The following PRRC2A variants were observed in gnomAD, a reference collection of about 807,000 sequenced individuals.
PRRC2A encodes proline rich coiled-coil 2A.
PRRC2A carries 59 observed loss-of-function variants against 224.6 expected under a neutral mutation model. The ratio of observed to expected loss-of-function variants is 0.26; its 90% CI spans 0.21 to 0.33. The LOEUF is 0.33. Ranked by LOEUF, PRRC2A falls within the 10% of genes least tolerant of loss-of-function variation. PRRC2A has a pLI of 1.00. For synonymous variants in PRRC2A, 1,194 were observed against 1,109.5 expected (o/e 1.08, Z -1.51); for missense variants, 3,095 against 2,880.7 (o/e 1.07, Z -1.70).
At position 31,628,951 on chromosome 6, in the gene PRRC2A, GCCA is replaced by G; in HGVS notation, c.1766-186_1766-184del. 5.2e-6 allele frequency: 3 copies of G among 577,962 alleles called. No individual in the cohort carries two copies. In the East Asian group the frequency reaches 9.1e-5, roughly 18 times the overall value. The allele number at this position is 577,962 out of a possible 1,614,324, so 35.8% of individuals were successfully genotyped here. A position where few individuals can be genotyped will look rare whatever the true frequency, so the allele number is the denominator to read the frequency against. On this transcript the variant is annotated intron_variant, in intron 12 of 30. Transcript: ENST00000376033. Reference sequence around the variant, plus strand: ...TCTAATGGTTTCATAGAAAGTTAATGCCACCACCATAGGCTCATGAGAGGCCAT... The same window carrying G: ...TCTAATGGTTTCATAGAAAGTTAATGCCACCATAGGCTCATGAGAGGCCAT...
In PRRC2A at chr6:31,635,282, G is replaced by A. The variant is rs1439841079; in HGVS notation, c.5301+10G>A. The A allele has an allele frequency of 6.2e-7, 1 of 1,613,934 alleles. No individual in the cohort carries two copies. The highest frequency in any genetic ancestry group is 8.5e-7 in the Non-Finnish European group (1 of 1,179,888). On this transcript the variant is annotated intron_variant, in intron 22 of 30. Transcript: ENST00000376033. ...TGGCACTAGTGACAAGGTCTGTGTG[G>A]GCTGGATCTGGGTATCCTGAGTTGG...
intron 12 of PRRC2A, 61 bp from the exon 13 acceptor site, chr6:31,629,083 G>A: frequency 6.6e-7 from 1 of 1,519,622 alleles, no homozygotes; most frequent in Non-Finnish European, 9.1e-7. Context: ...GAGATTCCTG[G>A]GGTGTTCATG....
Position 31,625,629 on chromosome 6 carries a change from GTCT to G in PRRC2A, c.759+20_759+22del, listed in dbSNP as rs760069882. 10 of 1,598,412 alleles carry G rather than the reference GTCT, an allele frequency of 6.3e-6. No homozygotes were observed. The highest frequency in any genetic ancestry group is 8.5e-6 in the Non-Finnish European group (10 of 1,171,410). ...CGCCTTTCGTGAGTCTTGGTGTCTT[GTCT>G]TGGAACGATTACACTGGAAGCTGGA... On this transcript the variant is annotated intron_variant, in intron 7 of 30. Transcript: ENST00000376033. The surrounding 1 kb of genome is among the most constrained non-coding windows in gnomAD (Gnocchi z 4.1).
At position 31,630,688 on chromosome 6, in the gene PRRC2A, G is replaced by C; in HGVS notation, c.2352G>C (p.Pro784=). Residue 784 remains proline (P), a synonymous_variant, in exon 15 of 31, where the codon CCG becomes CCC. Transcript: ENST00000376033. ...TGTTACGGGAACGGGGCACTCCACC[G>C]GTGGATCCAAAGTTGGCCTGGGTAG... ...PAMLRERGTP[P]VDPKLAWVGD... 4 of 1,614,108 alleles carry C rather than the reference G, an allele frequency of 2.5e-6. No homozygotes were observed. Among genetic ancestry groups the C allele is most frequent in the Non-Finnish European group, 3.4e-6 (4 of 1,180,018 alleles).
At position 31,637,662 on chromosome 6, in the gene PRRC2A, G is replaced by T; in HGVS notation, c.*76G>T. 1 of 743,960 alleles carries T rather than the reference G, an allele frequency of 1.3e-6. No individual in the cohort carries two copies. The highest frequency in any genetic ancestry group is 2.0e-6 in the Non-Finnish European group (1 of 508,708). 46.1% of individuals were successfully genotyped at this position (743,960 alleles called of 1,614,324 possible). A position where few individuals can be genotyped will look rare whatever the true frequency, so the allele number is the denominator to read the frequency against. On this transcript the variant is annotated 3_prime_UTR_variant, in exon 31 of 31. Coordinates refer to ENST00000376033, the MANE Select transcript of PRRC2A (RefSeq NM_004638.4). ...ATATAAGGGGGAAAGGGGTGGGCGG[G>T]GAGGGGTTCTGGGGCTGGGGCCTCA...
intron 18 of PRRC2A, 78 bp from the exon 19 acceptor site, chr6:31,634,158 C>T (rs772076063): frequency 1.3e-6 from 2 of 1,568,436 alleles, no homozygotes; most frequent in Non-Finnish European, 1.7e-6. Context: ...CCCTGTGTCA[C>T]CCCACTCTGT....
intron 9 of PRRC2A, 81 bp from the exon 10 acceptor site, chr6:31,626,691 A>C: frequency 8.0e-7 from 1 of 1,248,396 alleles, no homozygotes; most frequent in Non-Finnish European, 1.1e-6. Flanking sequence ...TTGGTAGTCC[A>C]TCTTGTTACA....
Position 31,630,925 on chromosome 6 carries a change from T to C in PRRC2A, c.2465+124T>C, listed in dbSNP as rs919990158. On this transcript the variant is annotated intron_variant, in intron 15 of 30. Transcript: ENST00000376033. ...GAAAGGAGAGGCTGGATGGAGTGGCTCATGCCTGTAATCCCAGCATTTTGG... is the reference window on the plus strand; with the variant it reads ...GAAAGGAGAGGCTGGATGGAGTGGCCCATGCCTGTAATCCCAGCATTTTGG... The C allele has an allele frequency of 3.2e-5, 43 of 1,340,494 alleles. No individual in the cohort carries two copies. The African/African-American group carries it at 5.5e-4, about 17-fold the overall frequency. 83.0% of individuals were successfully genotyped at this position (1,340,494 alleles called of 1,614,324 possible).
chr6:31,625,303 T>C lies in PRRC2A; in HGVS notation c.596T>C (p.Leu199Pro), dbSNP rs759347087. Residue 199 changes from leucine to proline, a missense_variant, in exon 6 of 31, where the codon CTC (leucine) becomes CCC (proline). Transcript: ENST00000376033. This position sits in a 1 kb window ranked among gnomAD's most constrained non-coding sequence, Gnocchi z 4.1. ...AEQSSGPGPS[L>P]RPQNSTTWRD... ...CAGTCGTCTGGGCCCGGACCAAGCC[T>C]CCGCCCCCAAAGTGAGTGGCTGCCT... The C allele has an allele frequency of 6.4e-5, 104 of 1,613,734 alleles. No homozygotes were observed. Among genetic ancestry groups the C allele is most frequent in the Non-Finnish European group, 8.7e-5 (103 of 1,180,024 alleles).
intron 24 of PRRC2A, 51 bp from the exon 25 acceptor site, chr6:31,635,916 T>C: frequency 6.6e-7 from 1 of 1,514,914 alleles, no homozygotes; most frequent in Non-Finnish European, 9.0e-7. Context: ...GGTGATCTTT[T>C]TTCTTGACCA....
At chr6:31,623,622 G>A (rs1240101794) in intron 2 of PRRC2A, 110 bp from the exon 3 acceptor site, 2 of 1,233,268 alleles carry the variant, frequency 1.6e-6, no homozygotes, top group Non-Finnish European at 2.3e-6. Context: ...GAGAAGTTTG[G>A]AGGAAGTAGG....
At chr6:31,624,581 G>A (rs889064600) in intron 5 of PRRC2A, 59 bp downstream of exon 5, 1 of 1,529,546 alleles carries the variant, frequency 6.5e-7, no homozygotes, top group Non-Finnish European at 9.0e-7. Flanking sequence ...CATGAACCCT[G>A]CACTGTATTT....
intron 12 of PRRC2A, 135 bp from the exon 13 acceptor site, chr6:31,629,009 G>A (rs989800143): frequency 2.2e-6 from 2 of 893,632 alleles, no homozygotes; most frequent in Non-Finnish European, 3.5e-6. Context: ...TAAATGGGAG[G>A]GGCTTCAATA....
intron 13 of PRRC2A, 51 bp from the exon 14 acceptor site, chr6:31,629,497 T>C: frequency 7.1e-7 from 1 of 1,414,164 alleles, no homozygotes; most frequent in Non-Finnish European, 9.9e-7. Flanking sequence ...CTGATTCCTT[T>C]GTCCATGTGT....
At chr6:31,628,260 A>G (rs1036429874) in intron 12 of PRRC2A, 21 bp downstream of exon 12, 1 of 1,593,930 alleles carries the variant, frequency 6.3e-7, no homozygotes. Context: ...GGGGATAGGT[A>G]CTACCAGATG....
At position 31,625,760 on chromosome 6, in the gene PRRC2A, C is replaced by G; in HGVS notation, c.760-32C>G. 2 of 1,555,144 alleles carry G rather than the reference C, an allele frequency of 1.3e-6. No homozygotes were observed. The highest frequency in any genetic ancestry group is 1.8e-6 in the Non-Finnish European group (2 of 1,126,548). On this transcript the variant is annotated intron_variant, in intron 7 of 30. Transcript: ENST00000376033. The surrounding 1 kb of genome is among the most constrained non-coding windows in gnomAD (Gnocchi z 4.1). ...GAGCTAGAAGGGTATATGACTGTCCCTCTGAGCAGCTACTGTTGGACCCTT... is the reference window on the plus strand; with the variant it reads ...GAGCTAGAAGGGTATATGACTGTCCGTCTGAGCAGCTACTGTTGGACCCTT...
At position 31,632,174 on chromosome 6, in the gene PRRC2A, A is replaced by G. The variant is rs146502735; in HGVS notation, c.3501A>G (p.Pro1167=). The G allele has an allele frequency of 1.5e-4, 235 of 1,590,668 alleles. No homozygotes were observed. The African/African-American group carries it at 2.3e-3, about 16-fold the overall frequency. The change falls in exon 16 of 31, where the codon CCA becomes CCG. Residue 1167 remains proline (P), a synonymous_variant. Transcript: ENST00000376033. ...GGRVFTPRGV[P]SRRGRGGGRP... Reference sequence around the variant, plus strand: ...GAGTCTTCACTCCCAGAGGGGTGCCATCTCGCCGGGGCCGAGGAGGAGGGA... The same window carrying G: ...GAGTCTTCACTCCCAGAGGGGTGCCGTCTCGCCGGGGCCGAGGAGGAGGGA...
chr6:31,621,245 G>A (rs1775249133), intron 1 of PRRC2A, among the ~76,000 whole-genome samples: 1 of 151,656 alleles, frequency 6.6e-6, no homozygotes, highest in Non-Finnish European at 1.5e-5. Flanking sequence ...TCTCGGAAGG[G>A]CGCTTTTCCT....
Position 31,637,702 on chromosome 6 carries a change from C to G in PRRC2A, c.*116C>G, listed in dbSNP as rs907785628. 8.6e-6 allele frequency: 5 copies of G among 584,064 alleles called. No individual in the cohort carries two copies. The highest frequency in any genetic ancestry group is 8.1e-5 in the Admixed American group (2 of 24,736). 36.2% of individuals were successfully genotyped at this position (584,064 alleles called of 1,614,324 possible). A position where few individuals can be genotyped will look rare whatever the true frequency, so the allele number is the denominator to read the frequency against. ...CTGGGGCCTCACTTCCCCTCCTCCC[C>G]CTTCCCCTGGTCCCCTGTCCCTGGG... On this transcript the variant is annotated 3_prime_UTR_variant, in exon 31 of 31. Transcript: ENST00000376033.
Sources: allele counts gnomAD v4.1 joint callset (sites outside exome capture counted in the v4.1 genomes callset), GRCh38; gene constraint gnomAD v4.1.1; non-coding constraint Gnocchi (gnomAD v3.1); transcripts MANE v1.5; gene names NCBI Gene and HGNC (gene_info 2026-07-23, HGNC 2026-07-21).